The following SP3 variants were observed in gnomAD, a reference collection of about 807,000 sequenced individuals.
SP3 encodes Sp3 transcription factor, also known as transcription factor Sp3.
A neutral mutation model predicts 70.3 loss-of-function variants in SP3; 10 were observed. The observed-to-expected ratio is 0.14, with a 90% CI of 0.09 to 0.24. SP3 has a LOEUF of 0.24. Ranked by LOEUF, SP3 falls within the 10% of genes least tolerant of loss-of-function variation. The probability of loss-of-function intolerance (pLI) is 1.00; values close to 1 mark genes in which losing one functional copy is unlikely to be tolerated. For synonymous variants in SP3, 402 were observed against 333.5 expected (o/e 1.21, Z -2.24); for missense variants, 825 against 914.6 (o/e 0.90, Z 1.26).
intron 4 of SP3, among the ~76,000 whole-genome samples, chr2:173,931,431 C>T (rs574006256): frequency 6.6e-6 from 1 of 152,282 alleles, no homozygotes; most frequent in African/African-American, 2.4e-5. Flanking sequence ...GCAACCTCCA[C>T]CTCCCGGGTT....
intron 4 of SP3, among the ~76,000 whole-genome samples, chr2:173,952,338 T>C (rs1419687743): frequency 6.6e-6 from 1 of 152,160 alleles, no homozygotes; most frequent in Admixed American, 6.6e-5. Context: ...TAAATACTAC[T>C]ACAAAGATAT....
intron 4 of SP3, among the ~76,000 whole-genome samples, chr2:173,952,940 G>A (rs1013405849): frequency 6.6e-6 from 1 of 152,152 alleles, no homozygotes; most frequent in South Asian, 2.1e-4. Context: ...TTCCTTTTGA[G>A]GTAATAAAAA....
intron 6 of SP3, 81 bp from the exon 7 acceptor site, chr2:173,910,338 A>G (rs1448974785): frequency 8.4e-7 from 1 of 1,194,146 alleles, no homozygotes; most frequent in South Asian, 1.3e-5. Flanking sequence ...ACAGAAAGTA[A>G]GTCAACGCTG....
chr2:173,931,041 A>G (rs1690051276), intron 4 of SP3, among the ~76,000 whole-genome samples: 1 of 152,210 alleles, frequency 6.6e-6, no homozygotes, highest in Admixed American at 6.5e-5. Flanking sequence ...TTGGTTTCCC[A>G]GTACATATGT....
At chr2:173,957,198 T>A (rs72913021) in intron 3 of SP3, among the ~76,000 whole-genome samples, 11,960 of 152,228 alleles carry the variant, frequency 0.079, 594 homozygotes, top group African/African-American at 0.13. Flanking sequence ...GAACCACAGT[T>A]AAATGACTGA....
chr2:173,954,764 A>G, intron 4 of SP3, 109 bp downstream of exon 4: 3 of 917,248 alleles, frequency 3.3e-6, no homozygotes, highest in Non-Finnish European at 5.0e-6. Context: ...ACAAACATTG[A>G]TCATTAATTC....
In SP3 at chr2:173,955,077, T is replaced by A; in HGVS notation, c.1435A>T (p.Ile479Leu). The A allele has an allele frequency of 6.2e-7, 1 of 1,614,220 alleles. No individual in the cohort carries two copies. The highest frequency in any genetic ancestry group is 8.5e-7 in the Non-Finnish European group (1 of 1,180,030). The part of the protein sequence containing the change: ...QGVQNLQNLQ[I>L]QNTAAQQITL... ...ATTTGTTGGGCAGCAGTATTCTGTA[T>A]TTGCAAATTCTGCAAGTTCTGGACC... The change falls in exon 4 of 7, where the codon ATA becomes TTA. Residue 479 changes from isoleucine to leucine, a missense_variant. This residue lies in a region of SP3 where 678 missense variants were observed against 651.6 expected (regional missense o/e 1.04). Coordinates refer to ENST00000310015, the MANE Select transcript of SP3 (RefSeq NM_003111.5).
intron 2 of SP3, 96 bp from the exon 3 acceptor site, chr2:173,963,979 C>A (rs1053942570): frequency 2.6e-6 from 2 of 780,796 alleles, no homozygotes; most frequent in Non-Finnish European, 3.7e-6. Context: ...ACTCGGTCCC[C>A]GCCGACTGCG....
At chr2:173,933,690 T>A (rs919936861) in intron 4 of SP3, among the ~76,000 whole-genome samples, 2 of 127,938 alleles carry the variant, frequency 1.6e-5, no homozygotes, top group Non-Finnish European at 3.4e-5. Flanking sequence ...TAAAGTAACA[T>A]TTATAAAATC....
chr2:173,944,590 G>C (rs1690477948), intron 4 of SP3, among the ~76,000 whole-genome samples: 3 of 152,182 alleles, frequency 2.0e-5, no homozygotes, highest in Admixed American at 2.0e-4. Context: ...GCAGTTTAGA[G>C]AACAAGCTGT....
rs1690028636 is a variant in SP3, at chr2:173,930,060, C to T, written c.1640-11275G>A. Among the ~76,000 whole-genome samples the T allele has an allele frequency of 2.0e-5, 3 of 152,096 alleles. No homozygotes were observed. In the South Asian group the frequency reaches 6.2e-4, roughly 32 times the overall value. On this transcript the variant is annotated intron_variant, in intron 4 of 6. Coordinates refer to ENST00000310015, the MANE Select transcript of SP3 (RefSeq NM_003111.5). The stretch of plus-strand genomic sequence containing the variant: ...CTAACTATGGGTACCTTGAGTTTAC[C>T]TGGCTTTAGCAGGGGTTCCATACCT...
chr2:173,956,253 GGT>G, intron 3 of SP3, 21 bp from the exon 4 acceptor site: 1 of 1,550,366 alleles, frequency 6.5e-7, no homozygotes, highest in East Asian at 2.3e-5. Context: ...AAAACAAAAA[GGT>G]GATATATTTG....
At chr2:173,928,881 A>C (rs1029149194) in intron 4 of SP3, among the ~76,000 whole-genome samples, 2 of 152,248 alleles carry the variant, frequency 1.3e-5, no homozygotes, top group Non-Finnish European at 2.9e-5. Context: ...TTGAACAACT[A>C]TATTGAGCGA....
At chr2:173,915,665 C>G (rs1689603012) in intron 5 of SP3, 1 of 151,968 alleles carries the variant, frequency 6.6e-6, no homozygotes, top group Non-Finnish European at 1.5e-5. Flanking sequence ...ACAAAGAAAA[C>G]AGATTGTGCA....
Position 173,963,874 on chromosome 2 carries a change from G to A in SP3, c.166C>T (p.Pro56Ser), listed in dbSNP as rs1239429459. ...GCGGCCAGCAGAGCGAGCGGTGACG[G>A]CTGAGTGTCCTACCCCCAATGGGCG... Reference protein sequence around the residue: ...AAAAAAQDTQPSPLALLAATC... With the variant: ...AAAAAAQDTQSSPLALLAATC... The change falls in exon 3 of 7, where the codon CCG becomes TCG. Residue 56 changes from proline (P) to serine (S), a missense_variant. Pro to Ser is a moderately conservative substitution (Grantham distance 74). This residue lies in a region of SP3 where 678 missense variants were observed against 651.6 expected (regional missense o/e 1.04). Coordinates refer to ENST00000310015, the MANE Select transcript of SP3 (RefSeq NM_003111.5). 3 of 1,510,140 alleles carry A rather than the reference G, an allele frequency of 2.0e-6. No individual in the cohort carries two copies. The highest frequency in any genetic ancestry group is 1.8e-6 in the Non-Finnish European group (2 of 1,127,634). 93.5% of individuals were successfully genotyped at this position (1,510,140 alleles called of 1,614,324 possible). A position where few individuals can be genotyped will look rare whatever the true frequency, so the allele number is the denominator to read the frequency against.
At chr2:173,956,353 G>A (rs1311065395) in intron 3 of SP3, 121 bp from the exon 4 acceptor site, 2 of 1,017,884 alleles carry the variant, frequency 2.0e-6, no homozygotes, top group African/African-American at 1.6e-5. Flanking sequence ...AAACACAATG[G>A]AGTTCAAATA....
chr2:173,957,624 G>A (rs1690937921), intron 3 of SP3, among the ~76,000 whole-genome samples: 1 of 152,118 alleles, frequency 6.6e-6, no homozygotes, highest in African/African-American at 2.4e-5. Flanking sequence ...GCTTGTAAAT[G>A]GCTTCACAGA....
At chr2:173,914,280 T>C (rs1018334419) in intron 5 of SP3, 2 of 152,188 alleles carry the variant, frequency 1.3e-5, no homozygotes, top group Non-Finnish European at 2.9e-5. Flanking sequence ...CTGAGTTTTT[T>C]TAAAAAAGTA....
At position 173,903,491 on chromosome 2, in the gene SP3, C is replaced by A. The variant is rs1052169108; in HGVS notation, c.*6450G>T. ...CTAAATGAATAAAGATGGAAAAAAA[C>A]ACACAGAGTTACTAGGAGTAGAATT... On this transcript the variant is annotated 3_prime_UTR_variant, in exon 7 of 7. Transcript: ENST00000310015. Among the ~76,000 whole-genome samples the A allele has an allele frequency of 6.6e-6, 1 of 152,000 alleles. No individual in the cohort carries two copies. Among genetic ancestry groups the A allele is most frequent in the Non-Finnish European group, 1.5e-5 (1 of 67,932 alleles).
Sources: allele counts gnomAD v4.1 joint callset (sites outside exome capture counted in the v4.1 genomes callset), GRCh38; gene constraint gnomAD v4.1.1; regional missense constraint gnomAD v4.1.1; transcripts MANE v1.5; gene names NCBI Gene and HGNC (gene_info 2026-07-23, HGNC 2026-07-21).